Variants in FAM193B observed in about 807,000 individuals in gnomAD.
FAM193B encodes family with sequence similarity 193 member B.
A neutral mutation model predicts 70.7 loss-of-function variants in FAM193B; 27 were observed. The ratio of observed to expected loss-of-function variants is 0.38; its 90% CI spans 0.28 to 0.53. The LOEUF (loss-of-function observed/expected upper bound fraction) is 0.53. FAM193B is among the 20% of genes least tolerant of loss of function. The pLI, the probability that FAM193B is intolerant of heterozygous loss-of-function variation, is 0.81. For missense variants in FAM193B, 1,022 were observed against 1,072.5 expected (o/e 0.95, Z 0.66); for synonymous variants, 448 against 436.0 (o/e 1.03, Z -0.34).
At chr5:177,541,420 T>G (rs1764837039) in intron 1 of FAM193B, among the ~76,000 whole-genome samples, 1 of 151,396 alleles carries the variant, frequency 6.6e-6, no homozygotes, top group African/African-American at 2.4e-5. Flanking sequence ...TCGAAATTCT[T>G]TTTTTTTTCT....
At chr5:177,553,408 G>C (rs775934981) in intron 1 of FAM193B, 9 of 1,035,726 alleles carry the variant, frequency 8.7e-6, no homozygotes, top group Non-Finnish European at 1.0e-5. Context: ...CAAGCTTAGG[G>C]AGAGCCACCC....
chr5:177,527,140 C>T (rs911970253), intron 5 of FAM193B, among the ~76,000 whole-genome samples: 2 of 152,014 alleles, frequency 1.3e-5, no homozygotes, highest in Non-Finnish European at 2.9e-5. Context: ...CAAGCATTTT[C>T]TAGAGAGAAG....
At position 177,532,864 on chromosome 5, in the gene FAM193B, CCCA is replaced by C. The variant is rs1436179688; in HGVS notation, c.1077-226_1077-224del. On this transcript the variant is annotated intron_variant, in intron 4 of 8. Transcript: ENST00000514747. This position sits in a 1 kb window ranked among gnomAD's most constrained non-coding sequence, Gnocchi z 4.9. The stretch of plus-strand genomic sequence containing the variant: ...AATGTGGCTCTTCTGGAAAGGTTTC[CCCA>C]CGCCTCCCCTGCCTGCACCCACCAT... 1.3e-5 allele frequency among the ~76,000 whole-genome samples: 2 copies of C among 152,204 alleles called. No individual in the cohort carries two copies. The highest frequency in any genetic ancestry group is 2.9e-5 in the Non-Finnish European group (2 of 68,036).
intron 8 of FAM193B, among the ~76,000 whole-genome samples, chr5:177,521,323 CATT>C (rs747358188): frequency 4.6e-5 from 7 of 152,332 alleles, no homozygotes; most frequent in South Asian, 2.1e-4. Flanking sequence ...TCTGGTACAT[CATT>C]GTTTCAGACA....
chr5:177,546,656 A>C (rs1218090664), intron 1 of FAM193B, among the ~76,000 whole-genome samples: 3 of 152,190 alleles, frequency 2.0e-5, no homozygotes, highest in Non-Finnish European at 4.4e-5. Context: ...ACCCCACCTC[A>C]GTGCCCTGGA....
rs1158975983 is a variant in FAM193B at position 177,538,838 on chromosome 5, G to A, written c.453+67C>T. Reference sequence around the variant, plus strand: ...CCCAAGGAGAGCCACCTGAGGACAGGGAACAGCCTGACTTCCTTGGGGAGG... The same window carrying A: ...CCCAAGGAGAGCCACCTGAGGACAGAGAACAGCCTGACTTCCTTGGGGAGG... On this transcript the variant is annotated intron_variant, in intron 2 of 8. Coordinates refer to ENST00000514747, the MANE Select transcript of FAM193B (RefSeq NM_001190946.3). The surrounding 1 kb of genome is among the most constrained non-coding windows in gnomAD (Gnocchi z 4.1). 2 of 1,590,018 alleles carry A rather than the reference G, an allele frequency of 1.3e-6. No homozygotes were observed. Among genetic ancestry groups the A allele is most frequent in the Admixed American group, 3.4e-5 (2 of 59,094 alleles).
intron 4 of FAM193B, among the ~76,000 whole-genome samples, chr5:177,534,291 A>ATT (rs372141424): frequency 0.015 from 1,993 of 134,728 alleles, 42 homozygotes; most frequent in East Asian, 0.025. Context: ...AGCAAAACTG[A>ATT]TTTTTTTTTT....
Position 177,524,698 on chromosome 5 carries a change from G to A in FAM193B, c.1783C>T (p.Arg595Trp), listed in dbSNP as rs763320450. Residue 595 changes from arginine to tryptophan, a missense_variant, in exon 6 of 9, where the codon CGG becomes TGG. Physicochemically the swap from Arg to Trp is moderately radical, Grantham distance 101. Coordinates refer to ENST00000514747, the MANE Select transcript of FAM193B (RefSeq NM_001190946.3). The part of the protein sequence containing the change: ...RRLNTVPNLS[R>W]VIWVKTPKPG... The stretch of plus-strand genomic sequence containing the variant: ...TTGGGTGTCTTGACCCAGATCACCC[G>A]GGATAGGTTGGGCACGGTGTTGAGT... The A allele has an allele frequency of 2.5e-6, 4 of 1,598,298 alleles. No homozygotes were observed. Among genetic ancestry groups the A allele is most frequent in the Non-Finnish European group, 3.4e-6 (4 of 1,173,420 alleles).
chr5:177,547,347 C>T lies in FAM193B; in HGVS notation c.210+6902G>A, dbSNP rs966076104. On this transcript the variant is annotated intron_variant, in intron 1 of 8. Transcript: ENST00000514747. ...TCGCCCAGGCTGGAGTGCAGTGGCG[C>T]GATCTCGACTCACTGCAAGCTCCGC... is the stretch of plus-strand genomic sequence containing the variant. 5.6e-5 allele frequency: 7 copies of T among 126,022 alleles called. No individual in the cohort carries two copies. The East Asian group carries it at 9.4e-4, about 17-fold the overall frequency. 7.8% of individuals were successfully genotyped at this position (126,022 alleles called of 1,614,324 possible).
rs1237990993 is a variant in FAM193B, at chr5:177,532,177, C to T, written c.1275+266G>A. The T allele has an allele frequency of 6.8e-7, 1 of 1,475,630 alleles. No individual in the cohort carries two copies. Among genetic ancestry groups the T allele is most frequent in the Admixed American group, 2.1e-5 (1 of 48,540 alleles). 91.4% of individuals were successfully genotyped at this position (1,475,630 alleles called of 1,614,324 possible). A position where few individuals can be genotyped will look rare whatever the true frequency, so the allele number is the denominator to read the frequency against. ...ATACTCATCAGAATCATAGCTTTCT[C>T]TCTGCCATTTCCTTTCCTTTTGCCT... On this transcript the variant is annotated intron_variant, in intron 5 of 8. Transcript: ENST00000514747. The surrounding 1 kb of genome is among the most constrained non-coding windows in gnomAD (Gnocchi z 4.9).
At position 177,554,293 on chromosome 5, in the gene FAM193B, C is replaced by A; in HGVS notation, c.166G>T (p.Gly56Cys). The change falls in exon 1 of 9, where the codon GGC becomes TGC. Residue 56 changes from glycine (G) to cysteine (C), a missense_variant. Physicochemically the swap from Gly to Cys is radical, Grantham distance 159 (BLOSUM62 -3). Transcript: ENST00000514747. The stretch of plus-strand genomic sequence containing the variant: ...TTGGGTTCGTCATCCTCCCTGGGGC[C>A]GTCGTGGTCGGGCTCCGCCGGCGCC... ...PEAPAEPDHD[G>C]PREDDEPNLV... The A allele has an allele frequency of 7.2e-7, 1 of 1,390,324 alleles. No homozygotes were observed. Among genetic ancestry groups the A allele is most frequent in the Non-Finnish European group, 9.4e-7 (1 of 1,066,072 alleles). The allele number at this position is 1,390,324 out of a possible 1,614,324, so 86.1% of individuals were successfully genotyped here.
rs983269532 is a variant in FAM193B, at chr5:177,525,197, C to T, written c.1284G>A (p.Glu428=). 6.9e-7 allele frequency: 1 copy of T among 1,449,762 alleles called. No individual in the cohort carries two copies. The highest frequency in any genetic ancestry group is 2.6e-5 in the East Asian group (1 of 38,918). The allele number at this position is 1,449,762 out of a possible 1,614,324, so 89.8% of individuals were successfully genotyped here. The part of the protein sequence containing the change: ...CEFFGHNAEK[E]KAQLAAEALK... ...GAGCTTCTGCTGCCAACTGGGCCTT[C>T]TCCTTTTCCTGCCAAGGCAAGAGGC... The change falls in exon 6 of 9, where the codon GAG becomes GAA. Residue 428 remains glutamate (E), a synonymous_variant. Transcript: ENST00000514747.
chr5:177,551,664 A>T (rs921150069), intron 1 of FAM193B, among the ~76,000 whole-genome samples: 1 of 152,264 alleles, frequency 6.6e-6, no homozygotes, highest in African/African-American at 2.4e-5. Context: ...AAATGAAAAT[A>T]AAAACAGAAA....
intron 1 of FAM193B, chr5:177,553,358 G>A (rs1487869245): frequency 1.0e-6 from 1 of 994,562 alleles, no homozygotes; most frequent in Non-Finnish European, 1.2e-6. Flanking sequence ...TTCCTGGGCA[G>A]GCTCAGCCAA....
chr5:177,524,395 TC>T lies in FAM193B; in HGVS notation c.2085del (p.Ser696AlafsTer111). On this transcript the variant is annotated frameshift_variant, in exon 6 of 9. Transcript: ENST00000514747. LOFTEE classifies it high-confidence loss of function. Reference protein sequence around the residue: ...SCAEAGEGSRGSRPGPGWAGS... With the variant: ...SCAEAGEGSRXSRPGPGWAGS... ...CCAGCCCAACCTGGTCCTGGCCGGC[TC>T]CCCCGGCTCCCCTCTCCAGCCTCAG... is the stretch of plus-strand genomic sequence containing the variant. 1.3e-6 allele frequency: 2 copies of T among 1,571,908 alleles called. No homozygotes were observed. Among genetic ancestry groups the T allele is most frequent in the South Asian group, 1.2e-5 (1 of 85,750 alleles).
rs756799708 is a variant in FAM193B at position 177,523,967 on chromosome 5, A to G, written c.2362T>C (p.Tyr788His). 1 of 1,613,450 alleles carries G rather than the reference A, an allele frequency of 6.2e-7. No homozygotes were observed. The highest frequency in any genetic ancestry group is 2.2e-5 in the East Asian group (1 of 44,842). ...GCAGCCCACACCTACCTCTTAAAGT[A>G]CTCCACCTCTCGGTCAGTCTCATCC... ...EMDETDREVE[Y>H]FKRFCLDSAK... is the part of the protein sequence containing the mutation. The change falls in exon 7 of 9, where the codon TAC (tyrosine) becomes CAC (histidine). Residue 788 changes from tyrosine (Y) to histidine (H), a missense_variant. Coordinates refer to ENST00000514747, the MANE Select transcript of FAM193B (RefSeq NM_001190946.3).
chr5:177,554,242 C>T lies in FAM193B; in HGVS notation c.210+7G>A, dbSNP rs1766743108. 6.7e-7 allele frequency: 1 copy of T among 1,484,052 alleles called. No individual in the cohort carries two copies. The highest frequency in any genetic ancestry group is 1.5e-5 in the African/African-American group (1 of 68,768). The allele number at this position is 1,484,052 out of a possible 1,614,324, so 91.9% of individuals were successfully genotyped here. On this transcript the variant is annotated splice_region_variant and intron_variant, in intron 1 of 8. Coordinates refer to ENST00000514747, the MANE Select transcript of FAM193B (RefSeq NM_001190946.3). Reference sequence around the variant, plus strand: ...CGAGCCGCCGAAGTCTCCCCGCTCGCTCCTACCTGCGGGCCGGGCACCAGG... The same window carrying T: ...CGAGCCGCCGAAGTCTCCCCGCTCGTTCCTACCTGCGGGCCGGGCACCAGG...
intron 1 of FAM193B, among the ~76,000 whole-genome samples, chr5:177,540,035 G>A (rs374508212): frequency 4.6e-5 from 7 of 151,706 alleles, no homozygotes; most frequent in South Asian, 2.1e-4. Context: ...GGCCGGGCGC[G>A]GTAGCTCATG....
intron 5 of FAM193B, chr5:177,531,833 T>C: frequency 8.8e-7 from 1 of 1,131,672 alleles, no homozygotes; most frequent in Non-Finnish European, 1.1e-6. Context: ...TGAGCCTCAA[T>C]TTTGTCATCT....
Sources: allele counts gnomAD v4.1 joint callset (sites outside exome capture counted in the v4.1 genomes callset), GRCh38; gene constraint gnomAD v4.1.1; non-coding constraint Gnocchi (gnomAD v3.1); transcripts MANE v1.5; gene names NCBI Gene and HGNC (gene_info 2026-07-23, HGNC 2026-07-21).